The following CCDC7 variants were observed in gnomAD, a reference collection of about 807,000 sequenced individuals.
CCDC7 encodes the protein coiled-coil domain containing 7.
A neutral mutation model predicts 196.9 loss-of-function variants in CCDC7; 183 were observed. That is an observed-to-expected ratio of 0.93 (90% CI 0.82 to 1.05). The LOEUF is 1.05. Among genes scored for constraint, CCDC7 ranks in the 50% least tolerant of loss-of-function variants. CCDC7 has a pLI of 0.00. For synonymous variants in CCDC7, 525 were observed against 484.6 expected (o/e 1.08, Z -1.10); for missense variants, 1,540 against 1,482.2 (o/e 1.04, Z -0.64).
intron 28 of CCDC7, among the ~76,000 whole-genome samples, chr10:32,753,173 A>C (rs2075918751): frequency 6.6e-6 from 1 of 152,138 alleles, no homozygotes; most frequent in African/African-American, 2.4e-5. Flanking sequence ...TTGCCAATGG[A>C]CTCAAAATCA....
intron 22 of CCDC7, among the ~76,000 whole-genome samples, chr10:32,688,079 T>C (rs1221423392): frequency 6.6e-6 from 1 of 152,124 alleles, no homozygotes; most frequent in South Asian, 2.1e-4. Flanking sequence ...CTCTTTTTTT[T>C]CCCTGCCACC....
intron 13 of CCDC7, among the ~76,000 whole-genome samples, chr10:32,557,630 T>C (rs890456115): frequency 6.6e-6 from 1 of 152,232 alleles, no homozygotes; most frequent in Non-Finnish European, 1.5e-5. Context: ...TCTGTTCTTA[T>C]GCTCATACAT....
intron 14 of CCDC7, 42 bp downstream of exon 15, chr10:32,565,662 G>C: frequency 4.4e-6 from 7 of 1,578,988 alleles, no homozygotes; most frequent in Non-Finnish European, 6.0e-6. Context: ...AACAAGTAAA[G>C]AAAATATCCA....
chr10:32,559,727 CAG>C (rs1352389631), intron 13 of CCDC7, among the ~76,000 whole-genome samples: 1 of 151,424 alleles, frequency 6.6e-6, no homozygotes, highest in Non-Finnish European at 1.5e-5. Context: ...GGGGAAAAAA[CAG>C]AGCAGAAAAA....
intron 18 of CCDC7, among the ~76,000 whole-genome samples, chr10:32,595,131 C>G (rs1443742260): frequency 6.6e-6 from 1 of 152,160 alleles, no homozygotes; most frequent in Non-Finnish European, 1.5e-5. Flanking sequence ...ATGGAACCAG[C>G]TCCTCTTTGT....
rs184884580 is a variant in CCDC7 at position 32,759,439 on chromosome 10, A to G, written c.2906-19538A>G. Among the ~76,000 whole-genome samples, 731 of 152,252 alleles carry G rather than the reference A, an allele frequency of 4.8e-3. 13 individuals carry two copies. Among genetic ancestry groups the G allele is most frequent in the African/African-American group, 0.017 (707 of 41,546 alleles). On this transcript the variant is annotated intron_variant, in intron 28 of 41. Transcript: ENST00000639629. ...GAATAGAGCCCTCAGAAATAATGCC[A>G]CATATCTACAACTATCTGATCTTTG...
At chr10:32,710,772 C>G (rs1271183472) in intron 24 of CCDC7, among the ~76,000 whole-genome samples, 2 of 152,176 alleles carry the variant, frequency 1.3e-5, no homozygotes, top group Non-Finnish European at 2.9e-5. Context: ...AGGCATTGTG[C>G]TTAATTGACC....
At chr10:32,871,522 T>A (rs1481258885) in intron 41 of CCDC7, among the ~76,000 whole-genome samples, 1 of 150,440 alleles carries the variant, frequency 6.6e-6, no homozygotes. Context: ...TAGCGGTCTG[T>A]CAATTTTGTT....
At chr10:32,602,257 C>T (rs556988765) in intron 18 of CCDC7, among the ~76,000 whole-genome samples, 3 of 152,058 alleles carry the variant, frequency 2.0e-5, no homozygotes, top group African/African-American at 7.2e-5. Flanking sequence ...AGCAAGACCA[C>T]GAACCCACCA....
At position 32,544,339 on chromosome 10, in the gene CCDC7, T is replaced by G. The variant is rs957235323; in HGVS notation, c.1134+38T>G. On this transcript the variant is annotated intron_variant, in intron 13 of 41. Transcript: ENST00000639629. Reference sequence around the variant, plus strand: ...CTCTCTCTATGCATCAATATTTGATTAATACTTGCTCTGATAGTCATATAT... The same window carrying G: ...CTCTCTCTATGCATCAATATTTGATGAATACTTGCTCTGATAGTCATATAT... The G allele has an allele frequency of 3.2e-6, 5 of 1,577,396 alleles. No homozygotes were observed. In the Admixed American group the frequency reaches 8.8e-5, roughly 28 times the overall value.
downstream of CCDC7, among the ~76,000 whole-genome samples, chr10:32,878,971 T>G (rs537883165): frequency 6.6e-6 from 1 of 152,268 alleles, no homozygotes; most frequent in East Asian, 1.9e-4. Flanking sequence ...ATTCATAAAA[T>G]GTATGGGGCC....
chr10:32,563,116 A>G (rs554902642), intron 13 of CCDC7, among the ~76,000 whole-genome samples: 7 of 152,214 alleles, frequency 4.6e-5, no homozygotes, highest in African/African-American at 1.2e-4. Context: ...CTCTTCAAGG[A>G]GAGCTACAAA....
At chr10:32,450,956 CTGT>C (rs1390904781), upstream of CCDC7, among the ~76,000 whole-genome samples, 1 of 151,964 alleles carries the variant, frequency 6.6e-6, no homozygotes, top group South Asian at 2.1e-4. Flanking sequence ...TTGTTGTTTT[CTGT>C]TGTTAGGAAT....
chr10:32,844,813 G>A (rs1398555802), intron 33 of CCDC7, among the ~76,000 whole-genome samples: 1 of 151,674 alleles, frequency 6.6e-6, no homozygotes, highest in Admixed American at 6.6e-5. Context: ...GTTTTGTGAT[G>A]CTTACTGCAA....
chr10:32,768,067 G>GA (rs748048281), intron 28 of CCDC7, among the ~76,000 whole-genome samples: 16 of 151,686 alleles, frequency 1.1e-4, no homozygotes, highest in Non-Finnish European at 1.8e-4. Flanking sequence ...ATACAGAGAA[G>GA]AAAAAAATGG....
chr10:32,675,420 C>T (rs1284812838), intron 21 of CCDC7, among the ~76,000 whole-genome samples: 1 of 151,972 alleles, frequency 6.6e-6, no homozygotes, highest in African/African-American at 2.4e-5. Context: ...TTTTATTCCA[C>T]CCCCATTTTA....
chr10:32,791,043 A>G (rs1392891479), intron 29 of CCDC7, among the ~76,000 whole-genome samples: 1 of 152,122 alleles, frequency 6.6e-6, no homozygotes, highest in East Asian at 1.9e-4. Context: ...AGCCTTTGTC[A>G]CTGAGAACCC....
chr10:32,455,796 T>C (rs1002985556), intron 2 of CCDC7, among the ~76,000 whole-genome samples: 5 of 152,278 alleles, frequency 3.3e-5, no homozygotes, highest in South Asian at 2.1e-4. Context: ...AACTATTTTT[T>C]CCTCAAAGTT....
At chr10:32,760,544 A>G (rs2077284156) in intron 28 of CCDC7, among the ~76,000 whole-genome samples, 1 of 152,108 alleles carries the variant, frequency 6.6e-6, no homozygotes, top group African/African-American at 2.4e-5. Context: ...GAATTGAACA[A>G]TGAGAACACT....
Sources: gnomAD v4.1 joint callset for allele counts (sites outside exome capture counted in the v4.1 genomes callset) on GRCh38, gnomAD v4.1.1 for gene constraint, MANE v1.5 for transcripts, NCBI Gene and HGNC (gene_info 2026-07-23, HGNC 2026-07-21) for gene names.